PER2: variants seen among roughly 807,000 people sequenced by gnomAD.
PER2 encodes period circadian protein homolog 2.
PER2 carries 66 observed loss-of-function variants against 121.0 expected under a neutral mutation model. The ratio of observed to expected loss-of-function variants is 0.55; its 90% confidence interval spans 0.45 to 0.67. The LOEUF (loss-of-function observed/expected upper bound fraction) is 0.67, where lower values mean the gene tolerates loss of function less well. PER2 is among the 30% of genes least tolerant of loss of function. PER2 has a pLI of 0.00. For missense variants in PER2, 1,521 were observed against 1,635.0 expected, an observed-to-expected ratio of 0.93 and a Z score of 1.20; for synonymous variants, 684 against 659.9, an observed-to-expected ratio of 1.04 and a Z score of -0.56.
Position 238,253,479 on chromosome 2 carries a change from G to T in PER2, c.2544C>A (p.Ala848=), listed in dbSNP as rs747262116. 1.1e-5 allele frequency: 18 copies of T among 1,612,856 alleles called. No homozygotes were observed. In the African/African-American group the frequency reaches 2.4e-4, roughly 22 times the overall value. The part of the protein sequence containing the change: ...QSSCPAVPFP[A]PVPAAYSLPV... Reference sequence around the variant, plus strand: ...GCAGTGAATAAGCTGCTGGCACTGGGGCGGGAAAGGGCACGGCTGGGCAGC... The same window carrying T: ...GCAGTGAATAAGCTGCTGGCACTGGTGCGGGAAAGGGCACGGCTGGGCAGC... The change falls in exon 19 of 23, where the codon GCC becomes GCA. Residue 848 remains alanine (A), a synonymous_variant. Transcript: ENST00000254657. The surrounding 1 kb of genome is among the most constrained non-coding windows in gnomAD (Gnocchi z 5.6).
At chr2:238,277,667 C>CA (rs1473760771) in intron 2 of PER2, 40 bp downstream of exon 2, 9 of 1,611,378 alleles carry the variant, frequency 5.6e-6, no homozygotes, top group Non-Finnish European at 7.6e-6. Flanking sequence ...ACTGAGAAAA[C>CA]AACCTGCCCA....
At chr2:238,278,084 C>T in intron 1 of PER2, 129 bp from the exon 2 acceptor site, 1 of 993,688 alleles carries the variant, frequency 1.0e-6, no homozygotes, top group Non-Finnish European at 1.5e-6. Flanking sequence ...TTTCTTCTCT[C>T]TGTCTCTCTC....
chr2:238,265,128 C>T (rs1251895279), intron 9 of PER2, among the ~76,000 whole-genome samples: 1 of 152,204 alleles, frequency 6.6e-6, no homozygotes, highest in Non-Finnish European at 1.5e-5. Flanking sequence ...TGGAGAAAAT[C>T]CTGTCCCCTG....
chr2:238,290,977 G>A (rs1696941069), upstream of PER2, among the ~76,000 whole-genome samples: 1 of 152,214 alleles, frequency 6.6e-6, no homozygotes, highest in African/African-American at 2.4e-5. Flanking sequence ...GTGACAGAGA[G>A]AGAGCGCAAA....
the PER2 span, among the ~76,000 whole-genome samples, chr2:238,298,180 G>A: frequency 1.3e-5 from 2 of 151,894 alleles, no homozygotes; most frequent in African/African-American, 2.4e-5. Context: ...GACTACAGGC[G>A]CCCGCCACCA....
At position 238,256,936 on chromosome 2, in the gene PER2, G is replaced by A. The variant is rs142788927; in HGVS notation, c.2051C>T (p.Pro684Leu). The A allele has an allele frequency of 1.8e-4, 285 of 1,614,110 alleles. No individual in the cohort carries two copies. The African/African-American group carries it at 3.2e-3, about 18-fold the overall frequency. The change falls in exon 17 of 23, where the codon CCG becomes CTG. Residue 684 changes from proline (P) to leucine (L), a missense_variant. Coordinates refer to ENST00000254657, the MANE Select transcript of PER2 (RefSeq NM_022817.3). ...CATAGTCATACCTAACTCCGGCTGC[G>A]GCTTCTTGTCTCCCACATGGACGAT... ...STIVHVGDKK[P>L]QPELEMVEDA...
chr2:238,271,370 C>G lies in PER2; in HGVS notation c.714G>C (p.Val238=), dbSNP rs1233795033. The G allele has an allele frequency of 3.1e-6, 5 of 1,614,100 alleles. No individual in the cohort carries two copies. Among genetic ancestry groups the G allele is most frequent in the Non-Finnish European group, 4.2e-6 (5 of 1,180,026 alleles). The change falls in exon 6 of 23, where the codon GTG becomes GTC. Residue 238 remains valine (V), a synonymous_variant. Coordinates refer to ENST00000254657, the MANE Select transcript of PER2 (RefSeq NM_022817.3). ...TGTACGGGGAGGTGAAACTGTGGAA[C>G]ACGCCCACATCGTGAGGCGCCAGGA... The part of the protein sequence containing the change: ...VEFLAPHDVG[V]FHSFTSPYKL...
intron 8 of PER2, among the ~76,000 whole-genome samples, chr2:238,266,094 G>GAACA (rs1696092728): frequency 1.3e-5 from 2 of 151,800 alleles, no homozygotes; most frequent in South Asian, 4.2e-4. Context: ...TAGTTGAGGT[G>GAACA]GGGTTTCACC....
intron 8 of PER2, among the ~76,000 whole-genome samples, chr2:238,266,053 G>T (rs570226015): frequency 2.0e-5 from 3 of 152,008 alleles, no homozygotes; most frequent in Non-Finnish European, 4.4e-5. Context: ...ACAGGCGTGT[G>T]CCACCACGCC....
upstream of PER2, among the ~76,000 whole-genome samples, chr2:238,293,937 G>T (rs1485613567): frequency 2.0e-5 from 3 of 152,102 alleles, no homozygotes; most frequent in East Asian, 5.8e-4. Context: ...GTCTCAGGCA[G>T]CTTGAGTTTC....
intron 13 of PER2, 127 bp downstream of exon 13, chr2:238,260,697 TAGAA>T: frequency 9.9e-7 from 1 of 1,007,014 alleles, no homozygotes; most frequent in Non-Finnish European, 1.5e-6. Flanking sequence ...GGACAAAGTT[TAGAA>T]AGGAAGCAGC....
At chr2:238,284,493 CA>C (rs1406777764) in intron 1 of PER2, among the ~76,000 whole-genome samples, 1 of 150,456 alleles carries the variant, frequency 6.6e-6, no homozygotes, top group African/African-American at 2.4e-5. Context: ...AGATGGGCAA[CA>C]AACGTAATTT....
Position 238,251,608 on chromosome 2 carries a change from T to G in PER2, c.3265A>C (p.Ser1089Arg). Residue 1089 changes from serine (S) to arginine (R), a missense_variant, in exon 20 of 23, where the codon AGT becomes CGT. By Grantham distance (110) the Ser-to-Arg change is moderately radical (BLOSUM62 -1). Transcript: ENST00000254657. ...SGSLGCDASP[S>R]GAGSSDTSHT... Reference sequence around the variant, plus strand: ...GCCAGGGCCAACATACCTGCCCCACTCGGGGAGGCGTCGCAGCCCAGTGAG... The same window carrying G: ...GCCAGGGCCAACATACCTGCCCCACGCGGGGAGGCGTCGCAGCCCAGTGAG... 6.2e-7 allele frequency: 1 copy of G among 1,613,948 alleles called. No individual in the cohort carries two copies.
At chr2:238,246,674 A>G (rs1208224289) in intron 22 of PER2, 150 bp from the exon 23 acceptor site, 2 of 555,160 alleles carry the variant, frequency 3.6e-6, no homozygotes. Context: ...CAGGAGATCG[A>G]GACCTTCCTG....
At chr2:238,278,777 C>T (rs1211612653) in intron 1 of PER2, among the ~76,000 whole-genome samples, 1 of 152,082 alleles carries the variant, frequency 6.6e-6, no homozygotes. Flanking sequence ...GTGGAACCCT[C>T]CCAGCAGCTC....
rs1395034994 is a variant in PER2 at position 238,253,165 on chromosome 2, G to A, written c.2858C>T (p.Thr953Ile). The A allele has an allele frequency of 6.3e-7, 1 of 1,595,602 alleles. No homozygotes were observed. Among genetic ancestry groups the A allele is most frequent in the Non-Finnish European group, 8.6e-7 (1 of 1,167,668 alleles). ...AGCACATGGCTGTCTGGGGATCGAG[G>A]TCCGGCTGGGGAACTCAGGCTGTGA... is the stretch of plus-strand genomic sequence containing the variant. ...SASQPEFPSR[T>I]SIPRQPCACP... Residue 953 changes from threonine to isoleucine, a missense_variant, in exon 19 of 23, where the codon ACC becomes ATC. Transcript: ENST00000254657. The surrounding 1 kb of genome is among the most constrained non-coding windows in gnomAD (Gnocchi z 5.6).
rs748114372 is a variant in PER2 at position 238,268,061 on chromosome 2, T to C, written c.962A>G (p.Tyr321Cys). ...GCCCTGGGCTTGGCTGTTACCTTCA[T>C]AACCAGAGTGCACTCTCTCTGCCAG... ...LLLAERVHSG[Y>C]EAPRIPPEKR... The change falls in exon 8 of 23, where the codon TAT becomes TGT. Residue 321 changes from tyrosine to cysteine, a missense_variant. By Grantham distance (194) the Tyr-to-Cys change is radical. Coordinates refer to ENST00000254657, the MANE Select transcript of PER2 (RefSeq NM_022817.3). This position sits in a 1 kb window ranked among gnomAD's most constrained non-coding sequence, Gnocchi z 4.0. 5 of 1,613,872 alleles carry C rather than the reference T, an allele frequency of 3.1e-6. No individual in the cohort carries two copies.
chr2:238,294,917 C>G (rs988547659), upstream of PER2, among the ~76,000 whole-genome samples: 3 of 152,254 alleles, frequency 2.0e-5, no homozygotes, highest in African/African-American at 7.2e-5. Context: ...TAACTCCGCT[C>G]TGAGTCCACA....
intron 20 of PER2, 33 bp from the exon 21 acceptor site, chr2:238,250,776 A>T (rs1348645318): frequency 6.9e-7 from 1 of 1,455,824 alleles, no homozygotes; most frequent in South Asian, 1.1e-5. Context: ...GCGTCAAAAC[A>T]TTGACATATG....
Sources: gnomAD v4.1 joint callset for allele counts (sites outside exome capture counted in the v4.1 genomes callset) on GRCh38, gnomAD v4.1.1 for gene constraint, Gnocchi (gnomAD v3.1) non-coding constraint, MANE v1.5 for transcripts, NCBI Gene and HGNC (gene_info 2026-07-23, HGNC 2026-07-21) for gene names.